RTL4: variants seen among roughly 807,000 people sequenced by gnomAD.
RTL4 encodes the protein retrotransposon Gag-like protein 4.
RTL4 carries 4 observed loss-of-function variants against 5.3 expected under a neutral mutation model. That is an observed-to-expected ratio of 0.75 (90% CI 0.37 to 1.72). RTL4 has a LOEUF of 1.72. Among genes scored for constraint, RTL4 ranks in the 40% most tolerant of loss-of-function variants. The pLI, the probability that RTL4 is intolerant of heterozygous loss-of-function variation, is 0.04. For missense variants in RTL4, 260 were observed against 227.1 expected (o/e 1.14, Z -0.93); for synonymous variants, 98 against 87.3 (o/e 1.12, Z -0.68).
the RTL4 span, among the ~76,000 whole-genome samples, chrX:112,117,241 T>C: frequency 1.8e-5 from 2 of 108,323 alleles, no homozygotes; most frequent in East Asian, 5.9e-4. Context: ...ATAATCGTTA[T>C]ATGGTAAATA....
At chrX:112,355,108 A>C in the RTL4 span, among the ~76,000 whole-genome samples, 17 of 111,652 alleles carry the variant, frequency 1.5e-4, no homozygotes, top group African/African-American at 5.5e-4. Flanking sequence ...GAAATAAGCA[A>C]GACTTCACAA....
the RTL4 span, among the ~76,000 whole-genome samples, chrX:112,278,655 G>T: frequency 9.0e-6 from 1 of 111,562 alleles, no homozygotes; most frequent in Admixed American, 9.5e-5. Flanking sequence ...TCCCATTCAT[G>T]CTGTAAGAAC....
At chrX:112,166,348 T>G in the RTL4 span, among the ~76,000 whole-genome samples, 1 of 111,998 alleles carries the variant, frequency 8.9e-6, no homozygotes, top group African/African-American at 3.2e-5. Context: ...GAAACAATTT[T>G]TGTATGTTGG....
At chrX:112,123,085 T>A in the RTL4 span, among the ~76,000 whole-genome samples, 5 of 111,694 alleles carry the variant, frequency 4.5e-5, no homozygotes, top group East Asian at 1.4e-3. Flanking sequence ...CACTGATTTT[T>A]AAAAACCCAA....
chrX:112,289,975 C>T, the RTL4 span, among the ~76,000 whole-genome samples: 1 of 111,164 alleles, frequency 9.0e-6, no homozygotes, highest in Non-Finnish European at 1.9e-5. Flanking sequence ...ACTCAAGCAG[C>T]TTGACCCTAG....
At chrX:112,170,825 G>A in the RTL4 span, among the ~76,000 whole-genome samples, 1 of 111,485 alleles carries the variant, frequency 9.0e-6, no homozygotes, top group Non-Finnish European at 1.9e-5. Flanking sequence ...GTCTTGTGCT[G>A]CTTTTCAAGG....
the RTL4 span, among the ~76,000 whole-genome samples, chrX:112,106,195 T>C: frequency 2.7e-5 from 3 of 112,251 alleles, no homozygotes; most frequent in Non-Finnish European, 3.8e-5. Context: ...GTATGTTGCA[T>C]CAACCTTGAA....
At chrX:112,185,376 A>ATATATATATATATATATATATATAT in the RTL4 span, among the ~76,000 whole-genome samples, 1 of 85,349 alleles carries the variant, frequency 1.2e-5, no homozygotes, top group Non-Finnish European at 2.2e-5. Flanking sequence ...CTATTTTATT[A>ATATATATATATATATATATATATAT]ATATATATAT....
chrX:112,342,122 T>C, the RTL4 span, among the ~76,000 whole-genome samples: 1 of 111,560 alleles, frequency 9.0e-6, no homozygotes, highest in Non-Finnish European at 1.9e-5. Context: ...ACTGAGGGCC[T>C]CAAATCACCT....
the RTL4 span, among the ~76,000 whole-genome samples, chrX:112,278,034 GTTAC>G: frequency 8.9e-6 from 1 of 111,795 alleles, no homozygotes; most frequent in Admixed American, 9.5e-5. Flanking sequence ...TCTATTTGAT[GTTAC>G]TTACTATTTT....
chrX:112,398,459 G>A, the RTL4 span, among the ~76,000 whole-genome samples: 1 of 98,315 alleles, frequency 1.0e-5, no homozygotes, highest in Non-Finnish European at 2.0e-5. Flanking sequence ...GAGTGCAGTG[G>A]TGTGATCTCA....
chrX:112,397,663 C>G, the RTL4 span, among the ~76,000 whole-genome samples: 1 of 111,784 alleles, frequency 8.9e-6, no homozygotes, highest in African/African-American at 3.2e-5. Flanking sequence ...TTTTCATTGA[C>G]TTCTTTCATC....
chrX:112,432,115 T>C, the RTL4 span, among the ~76,000 whole-genome samples: 19 of 105,383 alleles, frequency 1.8e-4, no homozygotes, highest in Admixed American at 1.7e-3. Context: ...CACATTTTCT[T>C]AATCCAGTCT....
the RTL4 span, among the ~76,000 whole-genome samples, chrX:112,253,818 AC>A: frequency 2.7e-5 from 3 of 111,942 alleles, no homozygotes; most frequent in Non-Finnish European, 5.6e-5. Context: ...TTACGCCTCT[AC>A]CCTTGATATC....
the RTL4 span, among the ~76,000 whole-genome samples, chrX:112,225,951 A>G: frequency 8.9e-6 from 1 of 111,846 alleles, no homozygotes; most frequent in Non-Finnish European, 1.9e-5. Context: ...GCCTATTTCC[A>G]TGGTGTAAAT....
the RTL4 span, among the ~76,000 whole-genome samples, chrX:112,318,693 C>G: frequency 9.0e-6 from 1 of 111,418 alleles, no homozygotes; most frequent in South Asian, 3.8e-4. Context: ...TTAAGTAAGA[C>G]ACTTCAATTA....
chrX:112,161,832 C>CCTTT, the RTL4 span, among the ~76,000 whole-genome samples: 1 of 26,653 alleles, frequency 3.8e-5, no homozygotes, highest in Non-Finnish European at 7.8e-5. Context: ...TTCCTTCCTT[C>CCTTT]CTTCCTTCCT....
chrX:112,315,949 T>C, the RTL4 span, among the ~76,000 whole-genome samples: 4 of 112,016 alleles, frequency 3.6e-5, no homozygotes, highest in East Asian at 5.6e-4. Flanking sequence ...CTTTGGAGTA[T>C]ATACTAGGAG....
the RTL4 span, among the ~76,000 whole-genome samples, chrX:112,258,128 A>C: frequency 4.5e-5 from 5 of 110,160 alleles, no homozygotes; most frequent in Non-Finnish European, 9.5e-5. Flanking sequence ...CATAAGTTTA[A>C]TTTTATTTTA....
Sources: gnomAD v4.1 joint callset for allele counts (sites outside exome capture counted in the v4.1 genomes callset) on GRCh38, gnomAD v4.1.1 for gene constraint, MANE v1.5 for transcripts, NCBI Gene and HGNC (gene_info 2026-07-23, HGNC 2026-07-21) for gene names.